CDK5RAP2: variants seen among roughly 807,000 people sequenced by gnomAD.
CDK5RAP2 encodes CDK5 regulatory subunit associated protein 2, also known as CDK5 regulatory subunit-associated protein 2.
CDK5RAP2 carries 147 observed loss-of-function variants against 232.9 expected under a neutral mutation model. That is an observed-to-expected ratio of 0.63 (90% CI 0.55 to 0.72). The LOEUF is 0.72. Among genes scored for constraint, CDK5RAP2 ranks in the 30% least tolerant of loss-of-function variants. CDK5RAP2 has a pLI of 0.00. For missense variants in CDK5RAP2, 2,195 were observed against 2,231.5 expected, an observed-to-expected ratio of 0.98 and a Z score of 0.33; for synonymous variants, 833 against 833.7, an observed-to-expected ratio of 1.00 and a Z score of 0.01.
chr9:120,434,009 C>T (rs926297976), intron 25 of CDK5RAP2, among the ~76,000 whole-genome samples: 1 of 152,150 alleles, frequency 6.6e-6, no homozygotes, highest in African/African-American at 2.4e-5. Flanking sequence ...TTACTTTCTA[C>T]AGGGAAGGCA....
rs914354755 is a variant in CDK5RAP2, at chr9:120,469,983, A to G, written c.1968+128T>C. 10 of 627,930 alleles carry G rather than the reference A, an allele frequency of 1.6e-5. 1 individual carries two copies. In the Admixed American group the frequency reaches 1.8e-4, roughly 12 times the overall value. 38.9% of individuals were successfully genotyped at this position (627,930 alleles called of 1,614,324 possible). A position where few individuals can be genotyped will look rare whatever the true frequency, so the allele number is the denominator to read the frequency against. On this transcript the variant is annotated intron_variant, in intron 17 of 37. Coordinates refer to ENST00000349780, the MANE Select transcript of CDK5RAP2 (RefSeq NM_018249.6). ...AACGGACACAGGAGGGGCACACACAACAAGGCAGAGGGGACAGGAAGGAAG... is the reference window on the plus strand; with the variant it reads ...AACGGACACAGGAGGGGCACACACAGCAAGGCAGAGGGGACAGGAAGGAAG...
At chr9:120,421,206 T>C (rs1225862993) in intron 26 of CDK5RAP2, among the ~76,000 whole-genome samples, 2 of 152,150 alleles carry the variant, frequency 1.3e-5, no homozygotes, top group African/African-American at 4.8e-5. Flanking sequence ...AGGGACCGTG[T>C]CTCCTTTGCC....
chr9:120,446,538 C>T (rs2036202514), intron 22 of CDK5RAP2, among the ~76,000 whole-genome samples: 1 of 152,094 alleles, frequency 6.6e-6, no homozygotes, highest in African/African-American at 2.4e-5. Context: ...TCAACTCCCA[C>T]TTTAAGGCTT....
Position 120,580,110 on chromosome 9 carries a change from C to CGCT in CDK5RAP2, c.-135_-133dup. ...GCTCTTGTTCAGACTCTGGCGGCGCCGCTGGAATTCAAACCACAGACGCCG... is the reference window on the plus strand; with the variant it reads ...GCTCTTGTTCAGACTCTGGCGGCGCCGCTGCTGGAATTCAAACCACAGACGCCG... On this transcript the variant is annotated 5_prime_UTR_variant, in exon 1 of 38. Coordinates refer to ENST00000349780, the MANE Select transcript of CDK5RAP2 (RefSeq NM_018249.6). The CGCT allele has an allele frequency of 1.7e-6, 1 of 593,648 alleles. No homozygotes were observed. Among genetic ancestry groups the CGCT allele is most frequent in the Non-Finnish European group, 3.1e-6 (1 of 327,006 alleles). The allele number at this position is 593,648 out of a possible 1,614,324, so 36.8% of individuals were successfully genotyped here.
intron 12 of CDK5RAP2, among the ~76,000 whole-genome samples, chr9:120,493,687 G>A (rs2039016051): frequency 6.6e-6 from 1 of 152,110 alleles, no homozygotes; most frequent in Non-Finnish European, 1.5e-5. Flanking sequence ...TAAGTCAAAT[G>A]ACATTACAGA....
intron 13 of CDK5RAP2, among the ~76,000 whole-genome samples, chr9:120,489,240 A>G (rs529881662): frequency 1.3e-5 from 2 of 148,526 alleles, no homozygotes; most frequent in Admixed American, 1.3e-4. Flanking sequence ...TTTGTATGTG[A>G]CCTGTATTCT....
At chr9:120,535,995 T>G (rs190721838) in intron 7 of CDK5RAP2, among the ~76,000 whole-genome samples, 1 of 152,210 alleles carries the variant, frequency 6.6e-6, no homozygotes, top group Non-Finnish European at 1.5e-5. Context: ...CAAGTAAAAC[T>G]GGGCTTCTCC....
chr9:120,406,962 A>G, intron 32 of CDK5RAP2, 50 bp downstream of exon 32: 1 of 1,343,740 alleles, frequency 7.4e-7, no homozygotes, highest in Non-Finnish European at 1.1e-6. Flanking sequence ...TGTCACACAC[A>G]GATGCTCAGA....
chr9:120,467,510 G>A (rs1670031563), intron 18 of CDK5RAP2, among the ~76,000 whole-genome samples: 5 of 152,012 alleles, frequency 3.3e-5, no homozygotes, highest in Admixed American at 3.3e-4. Flanking sequence ...GACCTCCCCA[G>A]GAACAGATGC....
At chr9:120,494,339 A>C (rs2039052640) in intron 12 of CDK5RAP2, among the ~76,000 whole-genome samples, 1 of 152,202 alleles carries the variant, frequency 6.6e-6, no homozygotes, top group African/African-American at 2.4e-5. Flanking sequence ...CCAATAAAAG[A>C]AACCAGTGTT....
At chr9:120,417,325 C>A (rs1475243560) in intron 27 of CDK5RAP2, among the ~76,000 whole-genome samples, 1 of 150,542 alleles carries the variant, frequency 6.6e-6, no homozygotes, top group African/African-American at 2.4e-5. Context: ...TGCACCTCCC[C>A]ACTCCTTAAA....
intron 1 of CDK5RAP2, 99 bp from the exon 2 acceptor site, chr9:120,572,140 G>A (rs1333466232): frequency 1.1e-6 from 1 of 944,662 alleles, no homozygotes. Context: ...CCATGGCCAG[G>A]AGGGATGCAC....
At chr9:120,522,641 A>T (rs750680155) in intron 11 of CDK5RAP2, among the ~76,000 whole-genome samples, 3 of 152,198 alleles carry the variant, frequency 2.0e-5, no homozygotes, top group South Asian at 2.1e-4. Context: ...AGTTTTTTTT[A>T]AAATGAGTAT....
At chr9:120,500,273 C>T (rs1261523204) in intron 12 of CDK5RAP2, among the ~76,000 whole-genome samples, 1 of 152,042 alleles carries the variant, frequency 6.6e-6, no homozygotes, top group South Asian at 2.1e-4. Flanking sequence ...GAGCTGTGAG[C>T]ATAAAACAAG....
chr9:120,499,806 C>G (rs1176165556), intron 12 of CDK5RAP2, among the ~76,000 whole-genome samples: 1 of 152,192 alleles, frequency 6.6e-6, no homozygotes, highest in Non-Finnish European at 1.5e-5. Context: ...AAACCATTTT[C>G]AAACAGTAGG....
intron 3 of CDK5RAP2, among the ~76,000 whole-genome samples, chr9:120,558,341 C>T (rs1199664036): frequency 8.3e-6 from 1 of 120,020 alleles, no homozygotes; most frequent in African/African-American, 3.1e-5. Flanking sequence ...CCACTGCACT[C>T]CAGCCTGGCG....
chr9:120,527,817 T>G lies in CDK5RAP2; in HGVS notation c.988A>C (p.Lys330Gln). The part of the protein sequence containing the change: ...IQGLTMALKS[K>Q]EKKVEELNSE... ...TGTATCAGACATACCTTTTTTTCCT[T>G]TGATTTTAATGCCATGGTTAAACCC... The change falls in exon 10 of 38, where the codon AAG (lysine) becomes CAG (glutamine). Residue 330 changes from lysine (K) to glutamine (Q), a missense_variant. Coordinates refer to ENST00000349780, the MANE Select transcript of CDK5RAP2 (RefSeq NM_018249.6). The G allele has an allele frequency of 6.2e-7, 1 of 1,613,736 alleles. No individual in the cohort carries two copies. Among genetic ancestry groups the G allele is most frequent in the South Asian group, 1.1e-5 (1 of 91,078 alleles).
chr9:120,537,273 T>C (rs1039889792), intron 6 of CDK5RAP2, among the ~76,000 whole-genome samples: 1 of 152,074 alleles, frequency 6.6e-6, no homozygotes, highest in African/African-American at 2.4e-5. Flanking sequence ...ATCTATAAAA[T>C]AGGGATAACC....
intron 21 of CDK5RAP2, among the ~76,000 whole-genome samples, chr9:120,453,137 T>C (rs1371621116): frequency 4.6e-5 from 7 of 152,158 alleles, no homozygotes; most frequent in African/African-American, 1.7e-4. Flanking sequence ...AAGAGACAGC[T>C]ACAGACAGAT....
Sources: gnomAD v4.1 joint callset for allele counts (sites outside exome capture counted in the v4.1 genomes callset) on GRCh38, gnomAD v4.1.1 for gene constraint, MANE v1.5 for transcripts, NCBI Gene and HGNC (gene_info 2026-07-23, HGNC 2026-07-21) for gene names.